The following CHN1 variants were observed in gnomAD, a reference collection of about 807,000 sequenced individuals.
The protein encoded by CHN1 is N-chimaerin.
Under a neutral mutation model 59.5 loss-of-function variants are expected in CHN1, and 37 were observed. The ratio of observed to expected loss-of-function variants is 0.62; its 90% CI spans 0.48 to 0.82. The LOEUF is 0.82. CHN1 is among the 40% of genes least tolerant of loss of function. CHN1 has a pLI of 0.00. For synonymous variants in CHN1, 206 were observed against 200.4 expected, an observed-to-expected ratio of 1.03 and a Z score of -0.24; for missense variants, 469 against 571.0, an observed-to-expected ratio of 0.82 and a Z score of 1.82.
Position 174,865,616 on chromosome 2 carries a change from T to C in CHN1, c.549+12224A>G, listed in dbSNP as rs960515030. On this transcript the variant is annotated intron_variant, in intron 6 of 12. Coordinates refer to ENST00000409900, the MANE Select transcript of CHN1 (RefSeq NM_001822.7). ...CAATAAATGTTAGTTATTTCTGTTA[T>C]AATTCTAAGCTTTACAATCCTTAGA... is the stretch of plus-strand genomic sequence containing the variant. Among the ~76,000 whole-genome samples, 6 of 152,222 alleles carry C rather than the reference T, an allele frequency of 3.9e-5. 1 individual carries two copies. The highest frequency in any genetic ancestry group is 4.1e-4 in the South Asian group (2 of 4,832).
Position 174,800,254 on chromosome 2 carries a change from A to G in CHN1, c.1242T>C (p.Asn414=). The G allele has an allele frequency of 2.1e-6, 3 of 1,449,176 alleles. No individual in the cohort carries two copies. The highest frequency in any genetic ancestry group is 2.7e-6 in the Non-Finnish European group (3 of 1,100,258). The allele number at this position is 1,449,176 out of a possible 1,614,324, so 89.8% of individuals were successfully genotyped here. The change falls in exon 13 of 13, where the codon AAT becomes AAC. Residue 414 remains asparagine (N), a synonymous_variant. Coordinates refer to ENST00000409900, the MANE Select transcript of CHN1 (RefSeq NM_001822.7). ...CAAAGACGATTCCAAGGTTCTCTGC[A>G]TTCATAAGATTCTCCTTTTCGTGGA... ...VTLHEKENLM[N]AENLGIVFGP... is the part of the protein sequence containing the mutation.
chr2:174,851,079 G>C (rs1282270534), intron 6 of CHN1, among the ~76,000 whole-genome samples: 1 of 152,152 alleles, frequency 6.6e-6, no homozygotes, highest in Non-Finnish European at 1.5e-5. Flanking sequence ...GCTACCTTAT[G>C]AGAGTAGTAT....
chr2:174,839,405 G>A (rs1440938195), intron 7 of CHN1, among the ~76,000 whole-genome samples: 3 of 152,170 alleles, frequency 2.0e-5, no homozygotes, highest in Non-Finnish European at 4.4e-5. Context: ...ATGATGTTAA[G>A]TGAAATAAGT....
rs549902224 is a variant in CHN1, at chr2:174,994,402, C to T, written c.19+10492G>A. 1.1e-4 allele frequency among the ~76,000 whole-genome samples: 17 copies of T among 152,200 alleles called. 1 individual carries two copies. The highest frequency in any genetic ancestry group is 3.3e-4 in the Admixed American group (5 of 15,294). On this transcript the variant is annotated intron_variant, in intron 1 of 12. Coordinates refer to ENST00000409900, the MANE Select transcript of CHN1 (RefSeq NM_001822.7). ...TGGATCTGGGCCTTACAGTCAACTCCCAAATTTAATAAATACAGTAGACTC... is the reference window on the plus strand; with the variant it reads ...TGGATCTGGGCCTTACAGTCAACTCTCAAATTTAATAAATACAGTAGACTC...
intron 6 of CHN1, among the ~76,000 whole-genome samples, chr2:174,858,461 G>A (rs1686971106): frequency 6.6e-6 from 1 of 152,156 alleles, no homozygotes; most frequent in Admixed American, 6.6e-5. Context: ...CTGGGAAGAA[G>A]TACAAGCATG....
At chr2:174,915,499 G>C (rs1688819794) in intron 4 of CHN1, among the ~76,000 whole-genome samples, 1 of 140,426 alleles carries the variant, frequency 7.1e-6, no homozygotes, top group African/African-American at 2.7e-5. Context: ...TAACCATATG[G>C]CTTGCTAAAG....
Position 174,978,905 on chromosome 2 carries a change from G to C in CHN1, c.19+25989C>G, listed in dbSNP as rs1226340506. ...AGTGACTGAAGAGAAAACAAATCTAGATCACCATCAATCAGATAAAATCTC... is the reference window on the plus strand; with the variant it reads ...AGTGACTGAAGAGAAAACAAATCTACATCACCATCAATCAGATAAAATCTC... On this transcript the variant is annotated intron_variant, in intron 1 of 12. Transcript: ENST00000409900. 5.9e-5 allele frequency among the ~76,000 whole-genome samples: 9 copies of C among 152,116 alleles called. No individual in the cohort carries two copies. In the East Asian group the frequency reaches 1.7e-3, roughly 29 times the overall value.
intron 1 of CHN1, among the ~76,000 whole-genome samples, chr2:174,961,989 T>C (rs1690424832): frequency 6.6e-6 from 1 of 152,114 alleles, no homozygotes; most frequent in Non-Finnish European, 1.5e-5. Flanking sequence ...GTGGGGTTAA[T>C]AAACATTTCA....
At chr2:174,844,398 T>C (rs1388888144) in intron 7 of CHN1, among the ~76,000 whole-genome samples, 1 of 152,112 alleles carries the variant, frequency 6.6e-6, no homozygotes, top group Non-Finnish European at 1.5e-5. Context: ...CTCCCTGAAA[T>C]AAGGTTTGAC....
intron 3 of CHN1, among the ~76,000 whole-genome samples, chr2:174,941,108 A>G (rs1424160593): frequency 6.6e-6 from 1 of 152,110 alleles, no homozygotes; most frequent in African/African-American, 2.4e-5. Context: ...TTATTCTTTT[A>G]GATGTTCAAA....
intron 9 of CHN1, 26 bp from the exon 10 acceptor site, chr2:174,811,614 T>C (rs763529413): frequency 6.9e-7 from 1 of 1,447,102 alleles, no homozygotes; most frequent in Non-Finnish European, 9.6e-7. Context: ...AGTTAGTTTC[T>C]TTGAATTATG....
chr2:174,842,322 TAA>T (rs1306380228), intron 7 of CHN1, among the ~76,000 whole-genome samples: 2 of 152,232 alleles, frequency 1.3e-5, no homozygotes, highest in Non-Finnish European at 2.9e-5. Context: ...TCACTGCTGT[TAA>T]TATAAAGTTT....
intron 5 of CHN1, 66 bp from the exon 6 acceptor site, chr2:174,878,194 A>C: frequency 7.2e-7 from 1 of 1,380,018 alleles, no homozygotes; most frequent in Non-Finnish European, 9.7e-7. Flanking sequence ...TCTGAAAAAA[A>C]AACAAAAACA....
chr2:174,994,717 T>C (rs1365720597), intron 1 of CHN1, among the ~76,000 whole-genome samples: 3 of 152,088 alleles, frequency 2.0e-5, no homozygotes, highest in Admixed American at 6.6e-5. Flanking sequence ...AAAGAAGGGA[T>C]AGGGACATGA....
chr2:174,820,690 C>T (rs1163199988), intron 8 of CHN1, among the ~76,000 whole-genome samples: 1 of 152,178 alleles, frequency 6.6e-6, no homozygotes, highest in Non-Finnish European at 1.5e-5. Flanking sequence ...CTCAGTTGTC[C>T]TCATCGCTGC....
At chr2:174,991,180 C>T (rs1691538358) in intron 1 of CHN1, among the ~76,000 whole-genome samples, 1 of 152,186 alleles carries the variant, frequency 6.6e-6, no homozygotes. Flanking sequence ...TGTAAACGTC[C>T]TATGAACTTG....
chr2:174,816,711 G>GATGTAT (rs1685278471), intron 8 of CHN1, among the ~76,000 whole-genome samples: 1 of 152,092 alleles, frequency 6.6e-6, no homozygotes, highest in African/African-American at 2.4e-5. Context: ...TCTGATAGTT[G>GATGTAT]ATGTATATGT....
chr2:174,848,806 T>A (rs1477488745), intron 6 of CHN1, among the ~76,000 whole-genome samples: 1 of 152,210 alleles, frequency 6.6e-6, no homozygotes, highest in Non-Finnish European at 1.5e-5. Flanking sequence ...TTTATTTACA[T>A]AGGAGTTTCA....
chr2:174,856,016 GC>G (rs1686889392), intron 6 of CHN1, among the ~76,000 whole-genome samples: 1 of 151,986 alleles, frequency 6.6e-6, no homozygotes, highest in African/African-American at 2.4e-5. Context: ...AATTTCTGGA[GC>G]ATTTATATTC....
Sources: gnomAD v4.1 joint callset for allele counts (sites outside exome capture counted in the v4.1 genomes callset) on GRCh38, gnomAD v4.1.1 for gene constraint, MANE v1.5 for transcripts, NCBI Gene and HGNC (gene_info 2026-07-23, HGNC 2026-07-21) for gene names.